The following HHIPL1 variants were observed in gnomAD, a reference collection of about 807,000 sequenced individuals.
HHIPL1 encodes the protein HHIP-like protein 1.
In HHIPL1, 43 loss-of-function variants were observed where a neutral mutation model predicts 61.8. The ratio of observed to expected loss-of-function variants is 0.70; its 90% CI spans 0.55 to 0.90. HHIPL1 has a LOEUF of 0.90. Ranked by LOEUF, HHIPL1 falls within the 40% of genes least tolerant of loss-of-function variation. HHIPL1 has a pLI of 0.00. For missense variants in HHIPL1, 1,056 were observed against 1,157.7 expected, an observed-to-expected ratio of 0.91 and a Z score of 1.28; for synonymous variants, 482 against 515.8, an observed-to-expected ratio of 0.93 and a Z score of 0.89.
the HHIPL1 span, among the ~76,000 whole-genome samples, chr14:99,635,988 T>C: frequency 1.3e-5 from 2 of 152,002 alleles, no homozygotes; most frequent in East Asian, 3.9e-4. Flanking sequence ...GAGCCCTGGG[T>C]TCTAGCCTTC....
At chr14:99,637,107 GAAA>G in the HHIPL1 span, among the ~76,000 whole-genome samples, 1 of 85,844 alleles carries the variant, frequency 1.2e-5, no homozygotes, top group Non-Finnish European at 2.7e-5. Context: ...AAGGAAAAAA[GAAA>G]GAAAGAAAGA....
intron 7 of HHIPL1, among the ~76,000 whole-genome samples, chr14:99,670,108 CTT>C (rs2056310292): frequency 6.9e-6 from 1 of 144,722 alleles, no homozygotes; most frequent in Non-Finnish European, 1.5e-5. Context: ...CAACTCCAGT[CTT>C]TTACTTTTTT....
rs1205232244 is a variant in HHIPL1, at chr14:99,659,395, C to T, written c.1047-33C>T. On this transcript the variant is annotated intron_variant, in intron 3 of 8. Coordinates refer to ENST00000330710, the MANE Select transcript of HHIPL1 (RefSeq NM_001127258.3). ...CCCGTGAGCCCTGGCTCAGGGCGAC[C>T]CCGAGCCGCGCCCTCTCCCACCCCG... 3.6e-6 allele frequency: 5 copies of T among 1,395,652 alleles called. No homozygotes were observed. The South Asian group carries it at 6.3e-5, about 18-fold the overall frequency. The allele number at this position is 1,395,652 out of a possible 1,614,324, so 86.5% of individuals were successfully genotyped here.
chr14:99,634,345 T>C, the HHIPL1 span, among the ~76,000 whole-genome samples: 143,214 of 152,098 alleles, frequency 0.94, 68,026 homozygotes, highest in East Asian at 1. Flanking sequence ...GATGAGGAAG[T>C]CCCCCGTGAC....
chr14:99,637,031 G>GAA, the HHIPL1 span, among the ~76,000 whole-genome samples: 1 of 99,704 alleles, frequency 1.0e-5, no homozygotes, highest in African/African-American at 3.8e-5. Context: ...AAGAAAGAAA[G>GAA]AAAGAAAGAA....
In HHIPL1 at chr14:99,645,395, T is replaced by C. The variant is rs1375444581; in HGVS notation, c.188T>C (p.Leu63Pro). 10 of 1,419,386 alleles carry C rather than the reference T, an allele frequency of 7.0e-6. No homozygotes were observed. In the South Asian group the frequency reaches 1.2e-4, roughly 17 times the overall value. 87.9% of individuals were successfully genotyped at this position (1,419,386 alleles called of 1,614,324 possible). The change falls in exon 1 of 9, where the codon CTG becomes CCG. Residue 63 changes from leucine to proline, a missense_variant. Leu to Pro is a moderately conservative substitution (Grantham distance 98). Transcript: ENST00000330710. ...GAGCTGACCCGCCGCTTCTGGGCCC[T>C]GGCGAGCCGCGTGGACGCCGCCGAG... Reference protein sequence around the residue: ...DAELTRRFWALASRVDAAEWA... With the variant: ...DAELTRRFWAPASRVDAAEWA...
At position 99,675,544 on chromosome 14, in the gene HHIPL1, A is replaced by C; in HGVS notation, c.2267A>C (p.Gln756Pro). The change falls in exon 9 of 9, where the codon CAG becomes CCG. Residue 756 changes from glutamine to proline, a missense_variant. By Grantham distance (76) the Gln-to-Pro change is moderately conservative. Coordinates refer to ENST00000330710, the MANE Select transcript of HHIPL1 (RefSeq NM_001127258.3). This position sits in a 1 kb window ranked among gnomAD's most constrained non-coding sequence, Gnocchi z 5.4. ...AGWERNLLEC[Q>P]HNGVGTHNCE... Reference sequence around the variant, plus strand: ...TGGGAGCGGAACCTGCTGGAGTGCCAGCACAACGGCGTGGGCACCCACAAC... The same window carrying C: ...TGGGAGCGGAACCTGCTGGAGTGCCCGCACAACGGCGTGGGCACCCACAAC... 1 of 1,540,326 alleles carries C rather than the reference A, an allele frequency of 6.5e-7. No individual in the cohort carries two copies. Among genetic ancestry groups the C allele is most frequent in the Non-Finnish European group, 8.7e-7 (1 of 1,146,150 alleles).
intron 1 of HHIPL1, among the ~76,000 whole-genome samples, chr14:99,647,539 C>T (rs1198595107): frequency 6.6e-6 from 1 of 152,222 alleles, no homozygotes; most frequent in Non-Finnish European, 1.5e-5. Flanking sequence ...CTTTAAGCAA[C>T]CAGCAGTTAG....
the HHIPL1 span, among the ~76,000 whole-genome samples, chr14:99,610,388 C>T: frequency 0.65 from 99,026 of 152,072 alleles, 35,215 homozygotes; most frequent in Middle Eastern, 0.88. Context: ...CAGCCTTCCC[C>T]GACCCAAGGG....
In HHIPL1 at chr14:99,679,061, A is replaced by C. The variant is rs1181391844; in HGVS notation, c.*3435A>C. ...TTTACTCACGTGGAAGCCGAGTTCC[A>C]GGGCATTTGTCACTTACCAAATGTC... On this transcript the variant is annotated 3_prime_UTR_variant, in exon 9 of 9. Coordinates refer to ENST00000330710, the MANE Select transcript of HHIPL1 (RefSeq NM_001127258.3). 1 of 152,252 alleles carries C rather than the reference A, an allele frequency of 6.6e-6. No individual in the cohort carries two copies. Among genetic ancestry groups the C allele is most frequent in the Non-Finnish European group, 1.5e-5 (1 of 68,042 alleles). The allele number at this position is 152,252 out of a possible 1,614,324, so 9.4% of individuals were successfully genotyped here.
chr14:99,619,776 T>C, the HHIPL1 span, among the ~76,000 whole-genome samples: 1 of 148,124 alleles, frequency 6.8e-6, no homozygotes, highest in Non-Finnish European at 1.5e-5. Flanking sequence ...CCAGCCGTGG[T>C]GCGTGGCTGT....
chr14:99,648,825 G>A (rs141699898), intron 1 of HHIPL1, among the ~76,000 whole-genome samples: 29 of 152,338 alleles, frequency 1.9e-4, no homozygotes, highest in African/African-American at 6.5e-4. Context: ...AGGACACTGT[G>A]CAAAGGCTTG....
the HHIPL1 span, among the ~76,000 whole-genome samples, chr14:99,627,771 G>C: frequency 6.6e-6 from 1 of 152,222 alleles, no homozygotes; most frequent in Admixed American, 6.5e-5. This position sits in a 1 kb window ranked among gnomAD's most constrained non-coding sequence, Gnocchi z 4.4. Flanking sequence ...CAGGCAAAAA[G>C]GGGGACTGTC....
At chr14:99,610,497 C>A in the HHIPL1 span, among the ~76,000 whole-genome samples, 1 of 152,194 alleles carries the variant, frequency 6.6e-6, no homozygotes, top group African/African-American at 2.4e-5. Flanking sequence ...CGGTGGCTCA[C>A]ACCTGTAATC....
Position 99,675,958 on chromosome 14 carries a change from G to T in HHIPL1, c.*332G>T, listed in dbSNP as rs531247370. ...AGGAGGGAGGGCAGCCAGGCTTCGA[G>T]GACGGACATGGCCCCTGGCTGTGCT... On this transcript the variant is annotated 3_prime_UTR_variant, in exon 9 of 9. Transcript: ENST00000330710. This position sits in a 1 kb window ranked among gnomAD's most constrained non-coding sequence, Gnocchi z 5.4. 4.0e-4 allele frequency: 122 copies of T among 305,252 alleles called. No homozygotes were observed. The highest frequency in any genetic ancestry group is 2.4e-3 in the African/African-American group (111 of 46,214). The allele number at this position is 305,252 out of a possible 1,614,324, so 18.9% of individuals were successfully genotyped here.
rs895149123 is a variant in HHIPL1 at position 99,660,923 on chromosome 14, C to T, written c.1502+517C>T. On this transcript the variant is annotated intron_variant, in intron 5 of 8. Coordinates refer to ENST00000330710, the MANE Select transcript of HHIPL1 (RefSeq NM_001127258.3). The surrounding 1 kb of genome is among the most constrained non-coding windows in gnomAD (Gnocchi z 4.9). ...CGAGAGAACAGTGGCTGCCCATGGG[C>T]CTCCTAATGGGGAGAGGAGGAGGTG... Among the ~76,000 whole-genome samples, 4 of 152,184 alleles carry T rather than the reference C, an allele frequency of 2.6e-5. No homozygotes were observed. The highest frequency in any genetic ancestry group is 4.4e-5 in the Non-Finnish European group (3 of 68,032).
chr14:99,652,394 T>C lies in HHIPL1; in HGVS notation c.426T>C (p.Leu142=), dbSNP rs778252545. ...AGCTCTGGGCGCTGGAGGGCAACCT[T>C]GCCAGGTTCTGCCGCTACCTGTCCC... ...DQELWALEGN[L]ARFCRYLSLD... The change falls in exon 2 of 9, where the codon CTT becomes CTC. Residue 142 remains leucine (L), a synonymous_variant. Coordinates refer to ENST00000330710, the MANE Select transcript of HHIPL1 (RefSeq NM_001127258.3). 6 of 1,614,210 alleles carry C rather than the reference T, an allele frequency of 3.7e-6. No homozygotes were observed. The highest frequency in any genetic ancestry group is 8.5e-7 in the Non-Finnish European group (1 of 1,180,038).
chr14:99,638,047 G>GGT, the HHIPL1 span, among the ~76,000 whole-genome samples: 17 of 152,192 alleles, frequency 1.1e-4, no homozygotes, highest in Non-Finnish European at 2.4e-4. Flanking sequence ...GAAGTCTGGT[G>GGT]GTGTGTTCCT....
intron 3 of HHIPL1, among the ~76,000 whole-genome samples, chr14:99,657,824 C>T (rs2056075321): frequency 6.6e-6 from 1 of 151,946 alleles, no homozygotes; most frequent in Non-Finnish European, 1.5e-5. Flanking sequence ...CATGCACACA[C>T]ACATTCACAT....
Sources: gnomAD v4.1 joint callset for allele counts (sites outside exome capture counted in the v4.1 genomes callset) on GRCh38, gnomAD v4.1.1 for gene constraint, Gnocchi (gnomAD v3.1) non-coding constraint, MANE v1.5 for transcripts, NCBI Gene and HGNC (gene_info 2026-07-23, HGNC 2026-07-21) for gene names.